RPRD1A: variants seen among roughly 807,000 people sequenced by gnomAD.
The protein encoded by RPRD1A is regulation of nuclear pre-mRNA domain-containing protein 1A.
In RPRD1A, 9 loss-of-function variants were observed where a neutral mutation model predicts 37.8. That is an observed-to-expected ratio of 0.24 (90% confidence interval 0.14 to 0.42). The LOEUF (loss-of-function observed/expected upper bound fraction) is 0.42, where lower values mean the gene tolerates loss of function less well. Among genes scored for constraint, RPRD1A ranks in the 10% least tolerant of loss-of-function variants. The pLI, the probability that RPRD1A is intolerant of heterozygous loss-of-function variation, is 1.00. For synonymous variants in RPRD1A, 138 were observed against 139.7 expected, an observed-to-expected ratio of 0.99 and a Z score of 0.08; for missense variants, 255 against 371.0, an observed-to-expected ratio of 0.69 and a Z score of 2.57.
chr18:36,060,632 T>C (rs1389838993), intron 1 of RPRD1A, among the ~76,000 whole-genome samples: 8 of 152,096 alleles, frequency 5.3e-5, no homozygotes, highest in Non-Finnish European at 1.2e-4. Flanking sequence ...AAAATTGAAA[T>C]AGGTAAACAA....
intron 1 of RPRD1A, 65 bp downstream of exon 1, chr18:36,067,189 G>A: frequency 2.7e-6 from 4 of 1,491,214 alleles, no homozygotes; most frequent in African/African-American, 1.4e-5. Context: ...GAGAAACGGG[G>A]TTCCCGGGGG....
At chr18:36,021,620 A>G (rs962264569) in intron 6 of RPRD1A, among the ~76,000 whole-genome samples, 7 of 152,240 alleles carry the variant, frequency 4.6e-5, no homozygotes, top group Non-Finnish European at 1.0e-4. Flanking sequence ...GGCATGTCAA[A>G]AGCCAAAACA....
At chr18:36,000,996 A>C (rs956889198) in intron 6 of RPRD1A, among the ~76,000 whole-genome samples, 2 of 152,204 alleles carry the variant, frequency 1.3e-5, no homozygotes, top group African/African-American at 4.8e-5. Flanking sequence ...AAATCCAATA[A>C]GGAAACACTG....
chr18:36,005,291 ACT>A (rs1211023949), intron 6 of RPRD1A, among the ~76,000 whole-genome samples: 2 of 152,060 alleles, frequency 1.3e-5, no homozygotes, highest in Non-Finnish European at 2.9e-5. Flanking sequence ...ACAGAGCGAG[ACT>A]CTGTCTCAAA....
intron 6 of RPRD1A, among the ~76,000 whole-genome samples, chr18:35,999,603 CT>C (rs1909295144): frequency 6.6e-6 from 1 of 151,938 alleles, no homozygotes; most frequent in Admixed American, 6.6e-5. Flanking sequence ...CTTGCAGATG[CT>C]GCTAATAATT....
At chr18:35,997,413 C>A (rs994958367) in intron 6 of RPRD1A, among the ~76,000 whole-genome samples, 8 of 152,104 alleles carry the variant, frequency 5.3e-5, no homozygotes, top group African/African-American at 1.7e-4. Context: ...GAAAAAAATT[C>A]TATCATTTGA....
intron 1 of RPRD1A, among the ~76,000 whole-genome samples, chr18:36,055,079 C>T (rs1468397369): frequency 6.6e-6 from 1 of 152,226 alleles, no homozygotes; most frequent in African/African-American, 2.4e-5. Flanking sequence ...AATGTCTGGA[C>T]ATCCTGTTGC....
intron 1 of RPRD1A, among the ~76,000 whole-genome samples, chr18:36,058,539 T>G (rs1282023458): frequency 2.0e-5 from 3 of 152,160 alleles, no homozygotes; most frequent in African/African-American, 7.2e-5. Context: ...TAAAAAACCT[T>G]AACGTCACAG....
intron 6 of RPRD1A, among the ~76,000 whole-genome samples, chr18:35,997,608 A>G (rs1174468139): frequency 6.6e-6 from 1 of 152,228 alleles, no homozygotes; most frequent in Non-Finnish European, 1.5e-5. Flanking sequence ...CTGAGTATCT[A>G]TTCTACTACA....
At chr18:36,008,577 G>GTGTGTATGTA in intron 6 of RPRD1A, among the ~76,000 whole-genome samples, 5 of 47,800 alleles carry the variant, frequency 1.0e-4, no homozygotes, top group Non-Finnish European at 2.1e-4. Flanking sequence ...CCTTGTGTGT[G>GTGTGTATGTA]TATATATATA....
intron 6 of RPRD1A, among the ~76,000 whole-genome samples, chr18:36,008,229 CTAATTT>C (rs1447215704): frequency 2.0e-5 from 3 of 152,014 alleles, no homozygotes; most frequent in African/African-American, 7.2e-5. Flanking sequence ...TAAGATCTTA[CTAATTT>C]TAAACTATTC....
chr18:35,994,923 C>T lies in RPRD1A; in HGVS notation c.790-1623G>A, dbSNP rs148007990. ...CTATCTGATTTTCTATCTTTTCCAT[C>T]ATACCACACTACCCCCCATGATTCT... is the stretch of plus-strand genomic sequence containing the variant. On this transcript the variant is annotated intron_variant, in intron 6 of 6. Coordinates refer to ENST00000399022, the MANE Select transcript of RPRD1A (RefSeq NM_018170.5). Among the ~76,000 whole-genome samples the T allele has an allele frequency of 4.1e-3, 626 of 152,272 alleles. 1 individual carries two copies. Among genetic ancestry groups the T allele is most frequent in the African/African-American group, 0.014 (587 of 41,552 alleles).
intron 2 of RPRD1A, among the ~76,000 whole-genome samples, chr18:36,032,738 T>C (rs1030710104): frequency 1.3e-5 from 2 of 152,206 alleles, no homozygotes; most frequent in African/African-American, 2.4e-5. Context: ...ATTTCTTGCA[T>C]AGGCACCTGG....
intron 1 of RPRD1A, among the ~76,000 whole-genome samples, chr18:36,041,426 A>G (rs1912571485): frequency 6.6e-6 from 1 of 152,198 alleles, no homozygotes; most frequent in Non-Finnish European, 1.5e-5. Flanking sequence ...ATTCTCTCTC[A>G]ACTAAATCCT....
intron 6 of RPRD1A, chr18:36,025,355 CATT>C (rs995227808): frequency 3.4e-6 from 1 of 292,580 alleles, no homozygotes; most frequent in Non-Finnish European, 6.7e-6. Flanking sequence ...TGAATGTTAA[CATT>C]ATTATTATCA....
chr18:36,057,930 T>TA (rs1160826978), intron 1 of RPRD1A, among the ~76,000 whole-genome samples: 1 of 152,272 alleles, frequency 6.6e-6, no homozygotes, highest in African/African-American at 2.4e-5. Context: ...GCCTGGCTGA[T>TA]ATGTAAGCTC....
intron 6 of RPRD1A, among the ~76,000 whole-genome samples, chr18:36,024,689 T>C (rs906849419): frequency 1.3e-5 from 2 of 152,180 alleles, no homozygotes; most frequent in African/African-American, 4.8e-5. Flanking sequence ...TCAACCACTG[T>C]TAATGTTCAA....
chr18:36,001,845 C>T (rs548424088), intron 6 of RPRD1A, among the ~76,000 whole-genome samples: 110 of 152,294 alleles, frequency 7.2e-4, no homozygotes, highest in African/African-American at 2.6e-3. Flanking sequence ...TTGACCACCT[C>T]CAGCACTAGC....
At chr18:35,993,341 A>G in intron 6 of RPRD1A, 41 bp from the exon 7 acceptor site, 1 of 1,608,448 alleles carries the variant, frequency 6.2e-7, no homozygotes, top group South Asian at 1.1e-5. Context: ...CAGGGATTGA[A>G]AAAACTTCCT....
Sources: gnomAD v4.1 joint callset for allele counts (sites outside exome capture counted in the v4.1 genomes callset) on GRCh38, gnomAD v4.1.1 for gene constraint, MANE v1.5 for transcripts, NCBI Gene and HGNC (gene_info 2026-07-23, HGNC 2026-07-21) for gene names.